MYPN: variants seen among roughly 807,000 people sequenced by gnomAD.
MYPN encodes myopalladin, also known as sarcomeric protein myopalladin, 145 kDa (MYOP).
In MYPN, 63 loss-of-function variants were observed where a neutral mutation model predicts 129.4. That is an observed-to-expected ratio of 0.49 (90% CI 0.40 to 0.60). The LOEUF is 0.60. Ranked by LOEUF, MYPN falls within the 20% of genes least tolerant of loss-of-function variation. MYPN has a pLI of 0.00. For synonymous variants in MYPN, 629 were observed against 600.9 expected (o/e 1.05, Z -0.68); for missense variants, 1,596 against 1,635.4 (o/e 0.98, Z 0.42).
intron 19 of MYPN, among the ~76,000 whole-genome samples, chr10:68,207,527 G>A (rs1055283889): frequency 2.0e-5 from 3 of 152,020 alleles, no homozygotes; most frequent in African/African-American, 4.8e-5. Flanking sequence ...TGCTGCCGCG[G>A]GCCACCCACT....
chr10:68,127,628 A>G (rs1240535799), intron 2 of MYPN, among the ~76,000 whole-genome samples: 1 of 150,620 alleles, frequency 6.6e-6, no homozygotes, highest in East Asian at 2.0e-4. Flanking sequence ...CCACCGTGCC[A>G]AGCCTGGGAC....
At chr10:68,149,440 T>C (rs1202750460) in intron 5 of MYPN, among the ~76,000 whole-genome samples, 2 of 148,382 alleles carry the variant, frequency 1.3e-5, no homozygotes, top group Non-Finnish European at 2.9e-5. Flanking sequence ...ATGTATTTCT[T>C]TTATATACAT....
rs757445753 is a variant in MYPN at position 68,194,437 on chromosome 10, G to A, written c.3000G>A (p.Gly1000=). The A allele has an allele frequency of 6.2e-7, 1 of 1,613,862 alleles. No individual in the cohort carries two copies. The highest frequency in any genetic ancestry group is 8.5e-7 in the Non-Finnish European group (1 of 1,179,874). Residue 1000 remains glycine (G), a synonymous_variant, in exon 14 of 20, where the codon GGG becomes GGA. Transcript: ENST00000358913. ...EHCKMRREGD[G]TCSLHIESTT... is the part of the protein sequence containing the mutation. ...GCAAAATGAGGCGAGAAGGAGATGG[G>A]ACATGCTCTCTGCACATTGAATCCA... is the stretch of plus-strand genomic sequence containing the variant.
chr10:68,140,180 CAG>C (rs1361143758), intron 2 of MYPN, among the ~76,000 whole-genome samples: 6 of 151,972 alleles, frequency 3.9e-5, no homozygotes, highest in Non-Finnish European at 8.8e-5. Flanking sequence ...TATGTGTTCA[CAG>C]AATCAAAAGA....
intron 2 of MYPN, among the ~76,000 whole-genome samples, chr10:68,132,460 T>A (rs982442396): frequency 1.3e-5 from 2 of 152,220 alleles, no homozygotes; most frequent in African/African-American, 2.4e-5. Context: ...CATATTTTTG[T>A]CAGAAGATAA....
chr10:68,135,692 T>A (rs1187815455), intron 2 of MYPN, among the ~76,000 whole-genome samples: 1 of 152,196 alleles, frequency 6.6e-6, no homozygotes, highest in East Asian at 1.9e-4. Context: ...TGACCCTAGT[T>A]GAGTTATTCA....
intron 4 of MYPN, 89 bp downstream of exon 4, chr10:68,145,615 G>A: frequency 1.8e-6 from 2 of 1,093,110 alleles, no homozygotes; most frequent in South Asian, 1.3e-5. Context: ...TAGAACTTAA[G>A]AAGGGTGGCT....
Position 68,175,467 on chromosome 10 carries a change from A to T in MYPN, c.2703+6A>T. 1.2e-6 allele frequency: 2 copies of T among 1,614,000 alleles called. No individual in the cohort carries two copies. The highest frequency in any genetic ancestry group is 1.7e-6 in the Non-Finnish European group (2 of 1,179,860). On this transcript the variant is annotated splice_donor_region_variant and intron_variant, in intron 12 of 19. Coordinates refer to ENST00000358913, the MANE Select transcript of MYPN (RefSeq NM_032578.4). ...ATGTCAGACCAAACCAGCAGGTAAG[A>T]TTGTTGGATTTAGAAGGTTTATTGA...
rs1417270696 is a variant in MYPN, at chr10:68,109,571, C to T, written c.-154C>T. 8.8e-6 allele frequency: 4 copies of T among 454,112 alleles called. No homozygotes were observed. The highest frequency in any genetic ancestry group is 1.8e-5 in the Non-Finnish European group (4 of 226,790). The allele number at this position is 454,112 out of a possible 1,614,324, so 28.1% of individuals were successfully genotyped here. On this transcript the variant is annotated 5_prime_UTR_variant, in exon 1 of 20. Transcript: ENST00000358913. The stretch of plus-strand genomic sequence containing the variant: ...TTCACTGAAACTAAGGTTAACTCCT[C>T]ACTCTCTATGGACGGCTACTCTCTA...
intron 7 of MYPN, 114 bp from the exon 8 acceptor site, chr10:68,161,615 T>C (rs2042977945): frequency 2.6e-6 from 2 of 765,932 alleles, no homozygotes; most frequent in East Asian, 2.5e-5. Flanking sequence ...CATAATCTTA[T>C]TGTATCACTC....
intron 11 of MYPN, 87 bp downstream of exon 11, chr10:68,174,743 A>C (rs905595220): frequency 1.6e-6 from 2 of 1,218,938 alleles, no homozygotes; most frequent in African/African-American, 3.0e-5. Context: ...CAGGGCTCTC[A>C]TTTTGTGGAT....
chr10:68,127,849 C>A (rs2042350393), intron 2 of MYPN, among the ~76,000 whole-genome samples: 1 of 152,092 alleles, frequency 6.6e-6, no homozygotes, highest in Admixed American at 6.5e-5. Context: ...AATAGGAACA[C>A]CACAGTCAAT....
intron 1 of MYPN, among the ~76,000 whole-genome samples, chr10:68,096,085 A>G (rs910063520): frequency 1.3e-5 from 2 of 152,240 alleles, no homozygotes; most frequent in Non-Finnish European, 2.9e-5. Context: ...AGAGATCGAT[A>G]AAAGATAATA....
intron 2 of MYPN, among the ~76,000 whole-genome samples, chr10:68,130,307 A>G (rs536616274): frequency 1.3e-5 from 2 of 152,242 alleles, no homozygotes; most frequent in South Asian, 4.1e-4. Flanking sequence ...TAAAAATACA[A>G]AAATTAGCCA....
At chr10:68,141,439 GA>G (rs2042577547) in intron 2 of MYPN, among the ~76,000 whole-genome samples, 1 of 151,744 alleles carries the variant, frequency 6.6e-6, no homozygotes. Flanking sequence ...TGAGTGGTTA[GA>G]TCTAAATTAC....
chr10:68,164,383 T>C (rs1489641017), intron 8 of MYPN, among the ~76,000 whole-genome samples: 1 of 152,202 alleles, frequency 6.6e-6, no homozygotes, highest in Non-Finnish European at 1.5e-5. Context: ...AGAGGCATCA[T>C]GACCTAAACA....
rs190777397 is a variant in MYPN at position 68,179,304 on chromosome 10, C to T, written c.2703+3843C>T. Among the ~76,000 whole-genome samples the T allele has an allele frequency of 4.6e-5, 7 of 152,252 alleles. No individual in the cohort carries two copies. The East Asian group carries it at 9.6e-4, about 21-fold the overall frequency. On this transcript the variant is annotated intron_variant, in intron 12 of 19. Transcript: ENST00000358913. ...CTGCCCACTTTGGGCATTTCAGGAC[C>T]TTGGCTGCTGGGATAGTGAAGTGTC...
At chr10:68,133,156 G>A (rs2042436239) in intron 2 of MYPN, among the ~76,000 whole-genome samples, 1 of 151,296 alleles carries the variant, frequency 6.6e-6, no homozygotes, top group African/African-American at 2.4e-5. Flanking sequence ...CTCCGTAGTA[G>A]CTGGGATTAC....
intron 12 of MYPN, among the ~76,000 whole-genome samples, chr10:68,178,699 C>T (rs1448131000): frequency 2.5e-5 from 3 of 119,546 alleles, no homozygotes; most frequent in South Asian, 2.7e-4. Context: ...GGTGACAGAG[C>T]GAGACTCTGC....
Sources: gnomAD v4.1 joint callset for allele counts (sites outside exome capture counted in the v4.1 genomes callset) on GRCh38, gnomAD v4.1.1 for gene constraint, MANE v1.5 for transcripts, NCBI Gene and HGNC (gene_info 2026-07-23, HGNC 2026-07-21) for gene names.